The following BRIP1 variants were observed in gnomAD, a reference collection of about 807,000 sequenced individuals.
The protein encoded by BRIP1 is Fanconi anemia group J protein.
Under a neutral mutation model 119.7 loss-of-function variants are expected in BRIP1, and 88 were observed. The ratio of observed to expected loss-of-function variants is 0.74; its 90% CI spans 0.62 to 0.88. The LOEUF (loss-of-function observed/expected upper bound fraction) is 0.88, where lower values mean the gene tolerates loss of function less well. BRIP1 is among the 40% of genes least tolerant of loss of function. The pLI is 0.00. For synonymous variants in BRIP1, 443 were observed against 496.5 expected (o/e 0.89, Z 1.43); for missense variants, 1,259 against 1,455.4 (o/e 0.87, Z 2.20).
In BRIP1 at chr17:61,685,930, A is replaced by G. The variant is rs374335608; in HGVS notation, c.2811T>C (p.Asp937=). The change falls in exon 19 of 20, where the codon GAT becomes GAC. Residue 937 remains aspartate (D), a synonymous_variant. Coordinates refer to ENST00000259008, the MANE Select transcript of BRIP1 (RefSeq NM_032043.3). ...GTTCCTGGACACATATCTTTGCTTC[A>G]TCTTCCACAAAATTTTCTGGTGATA... The part of the protein sequence containing the change: ...SHLSPENFVE[D]EAKICVQELQ... The G allele has an allele frequency of 2.4e-5, 39 of 1,613,938 alleles. No homozygotes were observed. The highest frequency in any genetic ancestry group is 3.1e-5 in the Non-Finnish European group (36 of 1,179,950).
intron 6 of BRIP1, among the ~76,000 whole-genome samples, chr17:61,839,686 G>A (rs2078629249): frequency 6.6e-6 from 1 of 152,086 alleles, no homozygotes; most frequent in Non-Finnish European, 1.5e-5. Context: ...GAAGTTTTCA[G>A]ACTTATGAGA....
intron 6 of BRIP1, among the ~76,000 whole-genome samples, chr17:61,811,143 G>A (rs892497213): frequency 4.6e-5 from 7 of 152,068 alleles, no homozygotes; most frequent in Admixed American, 3.9e-4. Flanking sequence ...TTTTTAAGTT[G>A]TAAAGTAATA....
intron 3 of BRIP1, 73 bp downstream of exon 3, chr17:61,859,723 C>T: frequency 1.0e-6 from 1 of 959,762 alleles, no homozygotes; most frequent in Non-Finnish European, 1.7e-6. Context: ...CTGAACCAGT[C>T]TGGATAAAGA....
chr17:61,708,446 A>G lies in BRIP1; in HGVS notation c.2492+7505T>C, dbSNP rs35524448. The stretch of plus-strand genomic sequence containing the variant: ...CATAGTATACGTAGAGTTTGGTACT[A>G]TCCATGGTTTCAGGCATTTAGTGGA... On this transcript the variant is annotated intron_variant, in intron 17 of 19. Coordinates refer to ENST00000259008, the MANE Select transcript of BRIP1 (RefSeq NM_032043.3). The surrounding 1 kb of genome is among the most constrained non-coding windows in gnomAD (Gnocchi z 4.4). Among the ~76,000 whole-genome samples, 51,257 of 152,014 alleles carry G rather than the reference A, an allele frequency of 0.34. 8,850 individuals carry two copies. Among genetic ancestry groups the G allele is most frequent in the East Asian group, 0.49 (2,528 of 5,152 alleles).
At chr17:61,800,209 C>T (rs907471551) in intron 8 of BRIP1, among the ~76,000 whole-genome samples, 38 of 152,100 alleles carry the variant, frequency 2.5e-4, no homozygotes, top group African/African-American at 8.9e-4. Context: ...GTTTGTGTCA[C>T]TTGCAATAGA....
In BRIP1 at chr17:61,713,025, G is replaced by C. The variant is rs959599005; in HGVS notation, c.2492+2926C>G. The stretch of plus-strand genomic sequence containing the variant: ...GCACCACATAATGATGTTTCAGTCA[G>C]TGTGAAGTGCATATATGATAGTGGT... On this transcript the variant is annotated intron_variant, in intron 17 of 19. Transcript: ENST00000259008. This position sits in a 1 kb window ranked among gnomAD's most constrained non-coding sequence, Gnocchi z 4.9. Among the ~76,000 whole-genome samples the C allele has an allele frequency of 6.6e-6, 1 of 152,162 alleles. No individual in the cohort carries two copies. The highest frequency in any genetic ancestry group is 1.5e-5 in the Non-Finnish European group (1 of 68,022).
In BRIP1 at chr17:61,725,297, C is replaced by T. The variant is rs1416206330; in HGVS notation, c.2380-9234G>A. 6.6e-6 allele frequency among the ~76,000 whole-genome samples: 1 copy of T among 152,086 alleles called. No homozygotes were observed. The highest frequency in any genetic ancestry group is 2.1e-4 in the South Asian group (1 of 4,814). Reference sequence around the variant, plus strand: ...CTTTCCCTGTTACGTTACAACTTGACCACAATAATCTATCAAGACATAGTA... The same window carrying T: ...CTTTCCCTGTTACGTTACAACTTGATCACAATAATCTATCAAGACATAGTA... On this transcript the variant is annotated intron_variant, in intron 16 of 19. Coordinates refer to ENST00000259008, the MANE Select transcript of BRIP1 (RefSeq NM_032043.3). The surrounding 1 kb of genome is among the most constrained non-coding windows in gnomAD (Gnocchi z 5.3).
In BRIP1 at chr17:61,700,733, T is replaced by G. The variant is rs1358562878; in HGVS notation, c.2493-7221A>C. ...TTTCAGCCATAATTTCTTTAAATAT[T>G]CTTTCTATTCTTTTTTCTCTCCTCT... On this transcript the variant is annotated intron_variant, in intron 17 of 19. Transcript: ENST00000259008. The surrounding 1 kb of genome is among the most constrained non-coding windows in gnomAD (Gnocchi z 4.1). 1.3e-5 allele frequency among the ~76,000 whole-genome samples: 2 copies of G among 152,160 alleles called. No individual in the cohort carries two copies. Among genetic ancestry groups the G allele is most frequent in the Non-Finnish European group, 2.9e-5 (2 of 68,032 alleles).
At position 61,828,368 on chromosome 17, in the gene BRIP1, C is replaced by T. The variant is rs530434867; in HGVS notation, c.627+18733G>A. Among the ~76,000 whole-genome samples, 76 of 151,896 alleles carry T rather than the reference C, an allele frequency of 5.0e-4. No homozygotes were observed. The highest frequency in any genetic ancestry group is 1.5e-3 in the South Asian group (7 of 4,814). On this transcript the variant is annotated intron_variant, in intron 6 of 19. Coordinates refer to ENST00000259008, the MANE Select transcript of BRIP1 (RefSeq NM_032043.3). This position sits in a 1 kb window ranked among gnomAD's most constrained non-coding sequence, Gnocchi z 4.1. ...TCTAGAGTAGTCAAATTCATAGAGA[C>T]GGAAAGGAGAACGGCATTTTTCCTG... is the stretch of plus-strand genomic sequence containing the variant.
At position 61,689,033 on chromosome 17, in the gene BRIP1, G is replaced by GTTATGTTATGTT. The variant is rs1379142573; in HGVS notation, c.2576-2880_2576-2869dup. 6.6e-6 allele frequency among the ~76,000 whole-genome samples: 1 copy of GTTATGTTATGTT among 151,146 alleles called. No individual in the cohort carries two copies. Among genetic ancestry groups the GTTATGTTATGTT allele is most frequent in the African/African-American group, 2.4e-5 (1 of 41,012 alleles). On this transcript the variant is annotated intron_variant, in intron 18 of 19. Transcript: ENST00000259008. The surrounding 1 kb of genome is among the most constrained non-coding windows in gnomAD (Gnocchi z 4.5). Reference sequence around the variant, plus strand: ...TTTTATATATTTTATATTCTGTTATGTTATGTTATGTTATGTTATGTTATT... The same window carrying GTTATGTTATGTT: ...TTTTATATATTTTATATTCTGTTATGTTATGTTATGTTTTATGTTATGTTATGTTATGTTATT...
At position 61,856,600 on chromosome 17, in the gene BRIP1, A is replaced by T. The variant is rs1228031785; in HGVS notation, c.379+458T>A. 1.3e-5 allele frequency among the ~76,000 whole-genome samples: 2 copies of T among 152,248 alleles called. No individual in the cohort carries two copies. The highest frequency in any genetic ancestry group is 3.9e-4 in the East Asian group (2 of 5,186). On this transcript the variant is annotated intron_variant, in intron 4 of 19. Coordinates refer to ENST00000259008, the MANE Select transcript of BRIP1 (RefSeq NM_032043.3). The surrounding 1 kb of genome is among the most constrained non-coding windows in gnomAD (Gnocchi z 5.1). ...TGTTACTCTTAATGTATTTCTCTAA[A>T]ATTAGTAAAAATTATTTAAAGATCA...
Position 61,724,945 on chromosome 17 carries a change from C to T in BRIP1, c.2380-8882G>A, listed in dbSNP as rs916868258. Reference sequence around the variant, plus strand: ...TGTGCATTAGAGACATTTGCTGCTCCGTATCATCATAGTGTAAACACTTCT... The same window carrying T: ...TGTGCATTAGAGACATTTGCTGCTCTGTATCATCATAGTGTAAACACTTCT... On this transcript the variant is annotated intron_variant, in intron 16 of 19. Transcript: ENST00000259008. The surrounding 1 kb of genome is among the most constrained non-coding windows in gnomAD (Gnocchi z 5.1). Among the ~76,000 whole-genome samples the T allele has an allele frequency of 5.9e-5, 9 of 152,056 alleles. No homozygotes were observed. The highest frequency in any genetic ancestry group is 3.9e-4 in the Admixed American group (6 of 15,252).
In BRIP1 at chr17:61,826,731, TAAAAAAA is replaced by T. The variant is rs58466965; in HGVS notation, c.628-17981_628-17975del. Among the ~76,000 whole-genome samples, 400 of 75,324 alleles carry T rather than the reference TAAAAAAA, an allele frequency of 5.3e-3. 1 individual carries two copies. Among genetic ancestry groups the T allele is most frequent in the African/African-American group, 0.019 (383 of 20,530 alleles). The allele number at this position is 75,324 out of a possible 152,430, so 49.4% of individuals were successfully genotyped here. A position where few individuals can be genotyped will look rare whatever the true frequency, so the allele number is the denominator to read the frequency against. On this transcript the variant is annotated intron_variant, in intron 6 of 19. Coordinates refer to ENST00000259008, the MANE Select transcript of BRIP1 (RefSeq NM_032043.3). ...AGTCAGAATGGCTATTATTAAAAAG[TAAAAAAA>T]AAAAAAAAAAAAAAAAAAACAGATG...
chr17:61,817,307 T>C (rs935005000), intron 6 of BRIP1, among the ~76,000 whole-genome samples: 5 of 152,230 alleles, frequency 3.3e-5, no homozygotes, highest in Non-Finnish European at 7.3e-5. Flanking sequence ...CACTTGGTTA[T>C]AGATTGTATT....
Position 61,682,690 on chromosome 17 carries a change from A to G in BRIP1, c.*606T>C, listed in dbSNP as rs2061285732. ...AGACTGCTGTTAATTTTTATGTATCAGTGTGAAAACAAATGGATGAAGAGA... is the reference window on the plus strand; with the variant it reads ...AGACTGCTGTTAATTTTTATGTATCGGTGTGAAAACAAATGGATGAAGAGA... On this transcript the variant is annotated 3_prime_UTR_variant, in exon 20 of 20. Coordinates refer to ENST00000259008, the MANE Select transcript of BRIP1 (RefSeq NM_032043.3). This position sits in a 1 kb window ranked among gnomAD's most constrained non-coding sequence, Gnocchi z 4.9. 5.1e-6 allele frequency: 1 copy of G among 196,020 alleles called. No individual in the cohort carries two copies. Among genetic ancestry groups the G allele is most frequent in the African/African-American group, 2.3e-5 (1 of 43,326 alleles). 12.1% of individuals were successfully genotyped at this position (196,020 alleles called of 1,614,324 possible).
rs1450339823 is a variant in BRIP1 at position 61,767,584 on chromosome 17, T to C, written c.2097+8817A>G. Among the ~76,000 whole-genome samples, 1 of 152,072 alleles carries C rather than the reference T, an allele frequency of 6.6e-6. No individual in the cohort carries two copies. Among genetic ancestry groups the C allele is most frequent in the Non-Finnish European group, 1.5e-5 (1 of 67,988 alleles). ...GCACTGGGCCTAGACTTCTACCATA[T>C]GTTTCTTTCTTTCTTTTTGATTTTT... On this transcript the variant is annotated intron_variant, in intron 14 of 19. Coordinates refer to ENST00000259008, the MANE Select transcript of BRIP1 (RefSeq NM_032043.3). The surrounding 1 kb of genome is among the most constrained non-coding windows in gnomAD (Gnocchi z 5.7).
intron 16 of BRIP1, among the ~76,000 whole-genome samples, chr17:61,723,934 C>T (rs1004585141): frequency 3.3e-5 from 5 of 152,164 alleles, no homozygotes; most frequent in Non-Finnish European, 1.5e-5. Flanking sequence ...TATCTCACCA[C>T]TGTCCTCAAC....
At chr17:61,818,271 G>A (rs1428852597) in intron 6 of BRIP1, among the ~76,000 whole-genome samples, 7 of 152,080 alleles carry the variant, frequency 4.6e-5, no homozygotes, top group African/African-American at 1.7e-4. Context: ...TGATAAAGAT[G>A]CTGTATTAGG....
At chr17:61,741,433 CAGA>C in intron 16 of BRIP1, among the ~76,000 whole-genome samples, 1 of 152,268 alleles carries the variant, frequency 6.6e-6, no homozygotes, top group Middle Eastern at 3.4e-3. Context: ...GAATCCTTTC[CAGA>C]AGGTTTTTAA....
Sources: allele counts gnomAD v4.1 joint callset (sites outside exome capture counted in the v4.1 genomes callset), GRCh38; gene constraint gnomAD v4.1.1; non-coding constraint Gnocchi (gnomAD v3.1); transcripts MANE v1.5; gene names NCBI Gene and HGNC (gene_info 2026-07-23, HGNC 2026-07-21).